Variants in ASTN2 observed in about 807,000 individuals in gnomAD.
ASTN2 encodes the protein astrotactin-2.
A neutral mutation model predicts 139.8 loss-of-function variants in ASTN2; 54 were observed. The ratio of observed to expected loss-of-function variants is 0.39; its 90% CI spans 0.31 to 0.48. The LOEUF is 0.48. Ranked by LOEUF, ASTN2 falls within the 20% of genes least tolerant of loss-of-function variation. The pLI is 0.95. For missense variants in ASTN2, 1,565 were observed against 1,725.1 expected (o/e 0.91, Z 1.64); for synonymous variants, 756 against 719.5 (o/e 1.05, Z -0.81).
chr9:116,797,440 C>T (rs1830731666), intron 13 of ASTN2, among the ~76,000 whole-genome samples: 1 of 151,968 alleles, frequency 6.6e-6, no homozygotes, highest in Non-Finnish European at 1.5e-5. Context: ...AGTCAGAATG[C>T]CAGGAAAATT....
At chr9:116,505,643 A>G (rs1850077039) in intron 19 of ASTN2, among the ~76,000 whole-genome samples, 1 of 152,226 alleles carries the variant, frequency 6.6e-6, no homozygotes, top group Non-Finnish European at 1.5e-5. Flanking sequence ...GTATTCCAAA[A>G]CAAGAAGTGG....
At chr9:116,708,977 C>A (rs73515249) in intron 16 of ASTN2, among the ~76,000 whole-genome samples, 1,871 of 152,328 alleles carry the variant, frequency 0.012, 32 homozygotes, top group African/African-American at 0.043. Context: ...CTAAGTTGCC[C>A]ACAGGCATCT....
chr9:117,327,518 A>G (rs973417904), intron 1 of ASTN2, among the ~76,000 whole-genome samples: 2 of 152,146 alleles, frequency 1.3e-5, no homozygotes, highest in Non-Finnish European at 2.9e-5. Context: ...AGTTGAGACC[A>G]CATCTGAGAA....
chr9:116,789,374 C>A (rs1201638845), intron 13 of ASTN2, among the ~76,000 whole-genome samples: 1 of 152,188 alleles, frequency 6.6e-6, no homozygotes, highest in East Asian at 1.9e-4. Context: ...CTGGCTTGTG[C>A]CTGCTAATTA....
At chr9:116,772,344 C>A (rs1564258600) in intron 13 of ASTN2, among the ~76,000 whole-genome samples, 1 of 152,080 alleles carries the variant, frequency 6.6e-6, no homozygotes, top group Non-Finnish European at 1.5e-5. Context: ...TGGGCAGTTC[C>A]CCTGCACACG....
At chr9:116,694,517 A>G (rs1236485087) in intron 16 of ASTN2, among the ~76,000 whole-genome samples, 2 of 128,062 alleles carry the variant, frequency 1.6e-5, no homozygotes, top group African/African-American at 3.0e-5. Flanking sequence ...TCTGGAGTGC[A>G]GTGGCGCGTC....
chr9:116,725,112 C>T (rs1295046268), intron 16 of ASTN2, among the ~76,000 whole-genome samples: 1 of 152,140 alleles, frequency 6.6e-6, no homozygotes, highest in Non-Finnish European at 1.5e-5. Context: ...AGAATAGCTA[C>T]TTACGTACCC....
intron 16 of ASTN2, among the ~76,000 whole-genome samples, chr9:116,716,019 A>C (rs1311142024): frequency 2.0e-5 from 3 of 152,222 alleles, no homozygotes; most frequent in Admixed American, 6.5e-5. Flanking sequence ...GGCTGAAGGC[A>C]GAGAGATAGC....
At position 116,699,743 on chromosome 9, in the gene ASTN2, A is replaced by T; in HGVS notation, c.2806+26028T>A. 6.2e-7 allele frequency: 1 copy of T among 1,613,928 alleles called. No individual in the cohort carries two copies. Among genetic ancestry groups the T allele is most frequent in the Non-Finnish European group, 8.5e-7 (1 of 1,179,954 alleles). The stretch of plus-strand genomic sequence containing the variant: ...ATCAGTTTCTTCTGCTCCCAAGCCA[A>T]CTTCCCTTCCCTTAGTTCTTGGTTG... On this transcript the variant is annotated intron_variant, in intron 16 of 22. Coordinates refer to ENST00000313400, the MANE Select transcript of ASTN2 (RefSeq NM_001365068.1). This position sits in a 1 kb window ranked among gnomAD's most constrained non-coding sequence, Gnocchi z 4.2.
At chr9:116,927,094 A>G (rs939681415) in intron 10 of ASTN2, among the ~76,000 whole-genome samples, 5 of 152,218 alleles carry the variant, frequency 3.3e-5, no homozygotes, top group Admixed American at 6.5e-5. Flanking sequence ...AAGGAGGAGT[A>G]CCAAAGAAAC....
intron 19 of ASTN2, among the ~76,000 whole-genome samples, chr9:116,569,533 G>C (rs1268753905): frequency 6.6e-6 from 1 of 152,138 alleles, no homozygotes; most frequent in Non-Finnish European, 1.5e-5. Context: ...GAAAATTCAC[G>C]ACAGACACTC....
chr9:116,897,787 C>A (rs559551758), intron 10 of ASTN2, among the ~76,000 whole-genome samples: 1 of 151,682 alleles, frequency 6.6e-6, no homozygotes, highest in Non-Finnish European at 1.5e-5. Context: ...GCACACATTA[C>A]AGCATTCCTA....
chr9:116,869,148 G>C (rs1277955631), intron 10 of ASTN2, among the ~76,000 whole-genome samples: 1 of 152,040 alleles, frequency 6.6e-6, no homozygotes, highest in African/African-American at 2.4e-5. Flanking sequence ...TCACAGCATT[G>C]CACTCCAGCC....
chr9:117,171,848 AG>A (rs1363444801), intron 3 of ASTN2, among the ~76,000 whole-genome samples: 27 of 152,294 alleles, frequency 1.8e-4, no homozygotes, highest in African/African-American at 6.5e-4. Context: ...TTTTTATAGC[AG>A]TGTGAAAATG....
intron 19 of ASTN2, among the ~76,000 whole-genome samples, chr9:116,509,265 T>G (rs2119176021): frequency 6.6e-6 from 1 of 152,262 alleles, no homozygotes; most frequent in Non-Finnish European, 1.5e-5. Flanking sequence ...AGTGTTTGGT[T>G]TTTTGTCTTT....
At chr9:117,300,451 T>C (rs991000222) in intron 1 of ASTN2, among the ~76,000 whole-genome samples, 19 of 152,326 alleles carry the variant, frequency 1.2e-4, no homozygotes, top group Non-Finnish European at 2.5e-4. Context: ...TCTGAGTTTC[T>C]TGTCTTCAAG....
intron 6 of ASTN2, among the ~76,000 whole-genome samples, chr9:117,027,435 A>G (rs1388039698): frequency 1.3e-5 from 2 of 152,112 alleles, no homozygotes; most frequent in African/African-American, 2.4e-5. Context: ...AAACCCTCCC[A>G]TTAGATCCAT....
chr9:117,153,622 A>C (rs1251025683), intron 3 of ASTN2, among the ~76,000 whole-genome samples: 1 of 152,150 alleles, frequency 6.6e-6, no homozygotes, highest in Non-Finnish European at 1.5e-5. Context: ...ATACTACTTT[A>C]GGGCTTATTT....
rs759274074 is a variant in ASTN2 at position 116,620,447 on chromosome 9, G to A, written c.3073-4C>T. On this transcript the variant is annotated splice_polypyrimidine_tract_variant and splice_region_variant and intron_variant, in intron 17 of 22. Transcript: ENST00000313400. ...TCATCAGTGCACTCTTGAAGGCCTG[G>A]ACAAAAAAAGAGGACAGAATAGACA... 6 of 1,612,614 alleles carry A rather than the reference G, an allele frequency of 3.7e-6. No homozygotes were observed. The highest frequency in any genetic ancestry group is 4.2e-6 in the Non-Finnish European group (5 of 1,179,682).
Sources: gnomAD v4.1 joint callset for allele counts (sites outside exome capture counted in the v4.1 genomes callset) on GRCh38, gnomAD v4.1.1 for gene constraint, Gnocchi (gnomAD v3.1) non-coding constraint, MANE v1.5 for transcripts, NCBI Gene and HGNC (gene_info 2026-07-23, HGNC 2026-07-21) for gene names.